NRG3: variants seen among roughly 807,000 people sequenced by gnomAD.
The protein encoded by NRG3 is neuregulin 3.
A neutral mutation model predicts 66.9 loss-of-function variants in NRG3; 31 were observed. That is an observed-to-expected ratio of 0.46 (90% CI 0.35 to 0.63). NRG3 has a LOEUF of 0.63. Among genes scored for constraint, NRG3 ranks in the 20% least tolerant of loss-of-function variants. The pLI is 0.00. For synonymous variants in NRG3, 393 were observed against 359.4 expected (o/e 1.09, Z -1.06); for missense variants, 910 against 878.9 (o/e 1.04, Z -0.45).
At chr10:82,042,250 G>C (rs1351601321) in intron 1 of NRG3, among the ~76,000 whole-genome samples, 1 of 151,960 alleles carries the variant, frequency 6.6e-6, no homozygotes, top group African/African-American at 2.4e-5. Context: ...GATATTATTT[G>C]TTTTTGTTGC....
At chr10:82,168,787 T>C (rs1038481879) in intron 1 of NRG3, among the ~76,000 whole-genome samples, 1 of 152,148 alleles carries the variant, frequency 6.6e-6, no homozygotes, top group African/African-American at 2.4e-5. Context: ...AAATTGTGCT[T>C]TCTACATCCC....
Position 81,918,465 on chromosome 10 carries a change from T to A in NRG3, c.823+42302T>A, listed in dbSNP as rs113152545. The stretch of plus-strand genomic sequence containing the variant: ...ATCAGGTACTCCATCATCTGCTTTT[T>A]ATCACGTACAAAAGAAATACAAGGC... On this transcript the variant is annotated intron_variant, in intron 1 of 8. Transcript: ENST00000372141. 7.7e-3 allele frequency among the ~76,000 whole-genome samples: 1,169 copies of A among 152,290 alleles called. 13 individuals are homozygous for A. The highest frequency in any genetic ancestry group is 0.027 in the African/African-American group (1,107 of 41,564).
At chr10:82,808,541 T>C (rs1193898491) in intron 3 of NRG3, among the ~76,000 whole-genome samples, 9 of 152,162 alleles carry the variant, frequency 5.9e-5, no homozygotes, top group South Asian at 4.1e-4. Context: ...TCATAGATGA[T>C]TATATATGTG....
At chr10:82,458,084 G>T (rs2091354110) in intron 2 of NRG3, among the ~76,000 whole-genome samples, 1 of 152,178 alleles carries the variant, frequency 6.6e-6, no homozygotes, top group Non-Finnish European at 1.5e-5. Context: ...GGCCCTGAGA[G>T]CCTGGGAGAG....
chr10:81,922,951 A>T (rs531750348), intron 1 of NRG3, among the ~76,000 whole-genome samples: 1 of 152,284 alleles, frequency 6.6e-6, no homozygotes, highest in South Asian at 2.1e-4. Context: ...TTTTGCTTTT[A>T]TACATGTTTG....
chr10:82,496,661 A>T (rs1843662817), intron 2 of NRG3, among the ~76,000 whole-genome samples: 1 of 152,120 alleles, frequency 6.6e-6, no homozygotes, highest in Non-Finnish European at 1.5e-5. Flanking sequence ...CTTTTTGCAG[A>T]TGTTTACCTT....
intron 2 of NRG3, among the ~76,000 whole-genome samples, chr10:82,720,161 G>C (rs2057211349): frequency 6.6e-6 from 1 of 152,126 alleles, no homozygotes; most frequent in South Asian, 2.1e-4. Context: ...AGGCCGAGGT[G>C]GGCTGATCAC....
intron 1 of NRG3, among the ~76,000 whole-genome samples, chr10:82,353,157 A>G (rs2083540511): frequency 6.6e-6 from 1 of 152,180 alleles, no homozygotes; most frequent in South Asian, 2.1e-4. Context: ...CTAAAGTGCA[A>G]GTTTCTTGAG....
chr10:82,392,678 C>T (rs1164602987), intron 2 of NRG3, among the ~76,000 whole-genome samples: 2 of 152,120 alleles, frequency 1.3e-5, no homozygotes, highest in Non-Finnish European at 1.5e-5. Flanking sequence ...CAATATCTTT[C>T]AAGCTGAAAG....
At chr10:82,359,786 T>C (rs2084010046) in intron 2 of NRG3, among the ~76,000 whole-genome samples, 1 of 152,204 alleles carries the variant, frequency 6.6e-6, no homozygotes, top group African/African-American at 2.4e-5. Context: ...TAGTGAGGCA[T>C]GGAAAATTAT....
intron 1 of NRG3, among the ~76,000 whole-genome samples, chr10:82,067,635 A>G (rs1309828773): frequency 6.6e-6 from 1 of 152,224 alleles, no homozygotes; most frequent in Non-Finnish European, 1.5e-5. Context: ...GGTGTGAGCC[A>G]CCACACCTGG....
intron 2 of NRG3, among the ~76,000 whole-genome samples, chr10:82,533,566 A>T (rs975522023): frequency 6.6e-6 from 1 of 152,160 alleles, no homozygotes; most frequent in African/African-American, 2.4e-5. Context: ...CTTTCAACAA[A>T]GTAGGAATAG....
chr10:82,009,249 A>G (rs1412232588), intron 1 of NRG3, among the ~76,000 whole-genome samples: 3 of 152,346 alleles, frequency 2.0e-5, no homozygotes, highest in East Asian at 3.9e-4. Context: ...TATTGCTTCC[A>G]TAAGCGTAAG....
At position 82,815,872 on chromosome 10, in the gene NRG3, A is replaced by G. The variant is rs186965500; in HGVS notation, c.1028-49539A>G. On this transcript the variant is annotated intron_variant, in intron 3 of 8. Transcript: ENST00000372141. ...GGGCAAGCAAGCACGGAGACCAGCC[A>G]CTGTGCACTGGCTAGGCATGCTGGC... Among the ~76,000 whole-genome samples the G allele has an allele frequency of 2.6e-5, 4 of 152,298 alleles. No homozygotes were observed. The East Asian group carries it at 7.7e-4, about 29-fold the overall frequency.
At chr10:82,696,329 T>A (rs2055378509) in intron 2 of NRG3, among the ~76,000 whole-genome samples, 1 of 152,088 alleles carries the variant, frequency 6.6e-6, no homozygotes, top group Non-Finnish European at 1.5e-5. Context: ...GTAATCATGA[T>A]GTATGTGTAT....
intron 3 of NRG3, among the ~76,000 whole-genome samples, chr10:82,740,203 C>A (rs1165887986): frequency 6.6e-6 from 1 of 150,738 alleles, no homozygotes; most frequent in African/African-American, 2.4e-5. Context: ...CTCCCTTCCT[C>A]TCTTCCTTTC....
chr10:82,952,119 A>G (rs1383570828), intron 5 of NRG3, among the ~76,000 whole-genome samples: 1 of 152,148 alleles, frequency 6.6e-6, no homozygotes, highest in Non-Finnish European at 1.5e-5. Flanking sequence ...TTCTTCAGAT[A>G]AAGGTGTTTA....
intron 1 of NRG3, among the ~76,000 whole-genome samples, chr10:82,222,216 C>G (rs1002995109): frequency 6.6e-6 from 1 of 151,428 alleles, no homozygotes; most frequent in Admixed American, 6.6e-5. Flanking sequence ...AAGTTTTTGC[C>G]CTAAACTTCA....
chr10:82,328,427 T>C (rs145767998), intron 1 of NRG3, among the ~76,000 whole-genome samples: 1 of 152,288 alleles, frequency 6.6e-6, no homozygotes, highest in Admixed American at 6.5e-5. Context: ...ATAATGATGT[T>C]TCGATACTAT....
Sources: gnomAD v4.1 joint callset for allele counts (sites outside exome capture counted in the v4.1 genomes callset) on GRCh38, gnomAD v4.1.1 for gene constraint, MANE v1.5 for transcripts, NCBI Gene and HGNC (gene_info 2026-07-23, HGNC 2026-07-21) for gene names.